UBE2H: variants seen among roughly 807,000 people sequenced by gnomAD.
UBE2H encodes the protein ubiquitin conjugating enzyme E2 H.
Under a neutral mutation model 29.0 loss-of-function variants are expected in UBE2H, and 3 were observed. That is an observed-to-expected ratio of 0.10 (90% CI 0.05 to 0.27). UBE2H has a LOEUF of 0.27. UBE2H is among the 10% of genes least tolerant of loss of function. The probability of loss-of-function intolerance (pLI) is 1.00; values close to 1 mark genes in which losing one functional copy is unlikely to be tolerated. For synonymous variants in UBE2H, 69 were observed against 82.9 expected (o/e 0.83, Z 0.91); for missense variants, 68 against 228.2 (o/e 0.30, Z 4.52).
intron 1 of UBE2H, among the ~76,000 whole-genome samples, chr7:129,901,558 G>T (rs1265864770): frequency 6.6e-6 from 1 of 152,110 alleles, no homozygotes; most frequent in East Asian, 1.9e-4. Flanking sequence ...CTGTATATGA[G>T]GGAGAAGAAA....
intron 1 of UBE2H, among the ~76,000 whole-genome samples, chr7:129,944,685 C>A (rs1439396621): frequency 6.6e-6 from 1 of 150,994 alleles, no homozygotes; most frequent in East Asian, 2.0e-4. Context: ...GAAATCCTGT[C>A]TCAAAACACA....
chr7:129,944,288 GGAGCTGGCAGT>G (rs1563054621), intron 1 of UBE2H, among the ~76,000 whole-genome samples: 1 of 152,050 alleles, frequency 6.6e-6, no homozygotes, highest in African/African-American at 2.4e-5. Context: ...CCCAGGAGGC[GGAGCTGGCAGT>G]GAGCCGAGAT....
intron 1 of UBE2H, among the ~76,000 whole-genome samples, chr7:129,932,666 C>T (rs563605364): frequency 1.3e-5 from 2 of 148,696 alleles, no homozygotes; most frequent in East Asian, 4.1e-4. Flanking sequence ...CCCAGCTACT[C>T]GGGAGGCTGA....
At position 129,834,346 on chromosome 7, in the gene UBE2H, G is replaced by A. The variant is rs1395398270; in HGVS notation, c.*591C>T. 6.6e-6 allele frequency: 1 copy of A among 152,274 alleles called. No individual in the cohort carries two copies. The highest frequency in any genetic ancestry group is 6.5e-5 in the Admixed American group (1 of 15,274). 9.4% of individuals were successfully genotyped at this position (152,274 alleles called of 1,614,324 possible). On this transcript the variant is annotated 3_prime_UTR_variant, in exon 7 of 7. Coordinates refer to ENST00000355621, the MANE Select transcript of UBE2H (RefSeq NM_003344.4). Reference sequence around the variant, plus strand: ...TACTTAAAATCAGAGTCAAAAAATGGTTTTAAGTTTTAATACTCTTAATTA... The same window carrying A: ...TACTTAAAATCAGAGTCAAAAAATGATTTTAAGTTTTAATACTCTTAATTA...
intron 1 of UBE2H, among the ~76,000 whole-genome samples, chr7:129,928,590 G>A (rs974519622): frequency 1.3e-5 from 2 of 152,192 alleles, no homozygotes; most frequent in African/African-American, 2.4e-5. Context: ...GCGACAAAGC[G>A]AGACTCCGTC....
intron 1 of UBE2H, among the ~76,000 whole-genome samples, chr7:129,944,898 A>C (rs75059545): frequency 0.13 from 19,440 of 152,196 alleles, 1,591 homozygotes; most frequent in East Asian, 0.31. Flanking sequence ...AAGCATTAAG[A>C]GGTGAATGCA....
intron 1 of UBE2H, among the ~76,000 whole-genome samples, chr7:129,894,386 A>G (rs1317410799): frequency 6.6e-6 from 1 of 151,806 alleles, no homozygotes; most frequent in Non-Finnish European, 1.5e-5. Context: ...GGTTGCAGTG[A>G]ACCATGTCAC....
intron 6 of UBE2H, among the ~76,000 whole-genome samples, chr7:129,837,765 G>C (rs978064600): frequency 2.0e-5 from 3 of 152,166 alleles, no homozygotes; most frequent in Non-Finnish European, 2.9e-5. Context: ...GTAGGAAGTG[G>C]GGGTGAGCTC....
chr7:129,855,200 A>C (rs17639187), intron 5 of UBE2H, among the ~76,000 whole-genome samples: 3,281 of 152,278 alleles, frequency 0.022, 46 homozygotes, highest in Admixed American at 0.037. Context: ...TTTTTTTAAA[A>C]AACCTGTTCT....
intron 1 of UBE2H, among the ~76,000 whole-genome samples, chr7:129,911,762 C>G (rs921045555): frequency 2.0e-5 from 3 of 152,048 alleles, no homozygotes; most frequent in African/African-American, 7.2e-5. Flanking sequence ...CTCAGCCTCC[C>G]GAGTAGCTAT....
At chr7:129,915,983 A>C (rs1007478618) in intron 1 of UBE2H, among the ~76,000 whole-genome samples, 5 of 152,236 alleles carry the variant, frequency 3.3e-5, no homozygotes, top group African/African-American at 1.2e-4. Context: ...ATCTAGCTAA[A>C]ATGTACATTT....
At chr7:129,840,952 G>A (rs993474138) in intron 5 of UBE2H, among the ~76,000 whole-genome samples, 1 of 152,154 alleles carries the variant, frequency 6.6e-6, no homozygotes, top group African/African-American at 2.4e-5. Context: ...GCAATGTCTA[G>A]AGACATTTTT....
intron 1 of UBE2H, among the ~76,000 whole-genome samples, chr7:129,889,974 C>A (rs1207843271): frequency 6.6e-6 from 1 of 151,880 alleles, no homozygotes; most frequent in Non-Finnish European, 1.5e-5. Flanking sequence ...CTACAAAAAA[C>A]ACCAAAAAAT....
chr7:129,937,139 CCAACA>C (rs1807547396), intron 1 of UBE2H, among the ~76,000 whole-genome samples: 1 of 151,860 alleles, frequency 6.6e-6, no homozygotes, highest in African/African-American at 2.4e-5. Flanking sequence ...ACCATCCTGG[CCAACA>C]CAGTGAAACC....
At chr7:129,923,152 G>A (rs1033167470) in intron 1 of UBE2H, among the ~76,000 whole-genome samples, 7 of 151,828 alleles carry the variant, frequency 4.6e-5, no homozygotes, top group Non-Finnish European at 1.0e-4. Flanking sequence ...CACCCGCCTC[G>A]GCCTCCCAAG....
intron 1 of UBE2H, among the ~76,000 whole-genome samples, chr7:129,913,036 A>C (rs1806970482): frequency 1.3e-5 from 2 of 152,158 alleles, no homozygotes; most frequent in African/African-American, 4.8e-5. Flanking sequence ...GGGTCGCCTG[A>C]GGTCAGGAGT....
At chr7:129,892,797 A>G (rs1034712515) in intron 1 of UBE2H, among the ~76,000 whole-genome samples, 1 of 152,072 alleles carries the variant, frequency 6.6e-6, no homozygotes, top group Admixed American at 6.6e-5. Context: ...ATGTATCTAT[A>G]GTAGGCTAGA....
intron 1 of UBE2H, among the ~76,000 whole-genome samples, chr7:129,927,989 C>A (rs1807305600): frequency 6.8e-6 from 1 of 147,556 alleles, no homozygotes; most frequent in Admixed American, 6.8e-5. Flanking sequence ...AGTTTAAAAC[C>A]AACCTGGGCA....
chr7:129,910,959 T>C (rs1806923666), intron 1 of UBE2H, among the ~76,000 whole-genome samples: 2 of 151,878 alleles, frequency 1.3e-5, no homozygotes, highest in African/African-American at 4.8e-5. Context: ...ACAGACTAGA[T>C]GCAGGGAGCC....
Sources: gnomAD v4.1 joint callset for allele counts (sites outside exome capture counted in the v4.1 genomes callset) on GRCh38, gnomAD v4.1.1 for gene constraint, MANE v1.5 for transcripts, NCBI Gene and HGNC (gene_info 2026-07-23, HGNC 2026-07-21) for gene names.